MTUS2: variants seen among roughly 807,000 people sequenced by gnomAD.
MTUS2 encodes microtubule-associated tumor suppressor candidate 2.
In MTUS2, 40 loss-of-function variants were observed where a neutral mutation model predicts 114.1. The observed-to-expected ratio is 0.35, with a 90% CI of 0.27 to 0.46. MTUS2 has a LOEUF of 0.46. MTUS2 is among the 20% of genes least tolerant of loss of function. The pLI is 1.00. For missense variants in MTUS2, 1,679 were observed against 1,705.4 expected (o/e 0.98, Z 0.27); for synonymous variants, 688 against 672.0 (o/e 1.02, Z -0.37).
chr13:29,406,399 G>T (rs183685292), intron 8 of MTUS2, among the ~76,000 whole-genome samples: 7 of 152,282 alleles, frequency 4.6e-5, no homozygotes, highest in Admixed American at 3.9e-4. Flanking sequence ...TCTCCTCCAA[G>T]TTCACTTACC....
rs187372711 is a variant in MTUS2, at chr13:28,928,048, C to T, written c.-243+88198C>T. Among the ~76,000 whole-genome samples, 33 of 152,200 alleles carry T rather than the reference C, an allele frequency of 2.2e-4. 1 individual carries two copies. The East Asian group carries it at 2.3e-3, about 11-fold the overall frequency. On this transcript the variant is annotated intron_variant, in intron 2 of 15. Coordinates refer to ENST00000612955, the MANE Select transcript of MTUS2 (RefSeq NM_001033602.4). The stretch of plus-strand genomic sequence containing the variant: ...GTGCTGGGAAAACTAGATATCCATA[C>T]GCAGAAGAATGAATCTAGGATTCCT...
chr13:29,323,018 A>G (rs1231137750), intron 6 of MTUS2, among the ~76,000 whole-genome samples: 1 of 152,178 alleles, frequency 6.6e-6, no homozygotes, highest in Non-Finnish European at 1.5e-5. Context: ...TGTTGGGAAT[A>G]TGAATTAGTG....
chr13:29,077,155 G>C (rs990794013), intron 4 of MTUS2, among the ~76,000 whole-genome samples: 9 of 152,094 alleles, frequency 5.9e-5, no homozygotes, highest in African/African-American at 2.2e-4. Context: ...TTGTTTAATT[G>C]TGTCTTTCTT....
At position 29,503,352 on chromosome 13, in the gene MTUS2, C is replaced by T. The variant is rs879223440; in HGVS notation, c.*146C>T. The T allele has an allele frequency of 2.5e-6, 2 of 810,922 alleles. No individual in the cohort carries two copies. The highest frequency in any genetic ancestry group is 3.9e-6 in the Non-Finnish European group (2 of 514,738). The allele number at this position is 810,922 out of a possible 1,614,324, so 50.2% of individuals were successfully genotyped here. ...CCTAGGCGCGTCCTCCTCTGATCCCCGTGTAAGACTGCCCTGGTGTCGGCA... is the reference window on the plus strand; with the variant it reads ...CCTAGGCGCGTCCTCCTCTGATCCCTGTGTAAGACTGCCCTGGTGTCGGCA... On this transcript the variant is annotated 3_prime_UTR_variant, in exon 16 of 16. Coordinates refer to ENST00000612955, the MANE Select transcript of MTUS2 (RefSeq NM_001033602.4).
At chr13:28,879,169 T>G (rs539151935) in intron 2 of MTUS2, among the ~76,000 whole-genome samples, 2 of 152,252 alleles carry the variant, frequency 1.3e-5, no homozygotes, top group South Asian at 4.1e-4. Flanking sequence ...CTTTTAATTT[T>G]TTTTTCTTTT....
intron 5 of MTUS2, among the ~76,000 whole-genome samples, chr13:29,107,273 G>C (rs7988309): frequency 0.015 from 2,345 of 152,118 alleles, 57 homozygotes; most frequent in African/African-American, 0.053. Context: ...AAGCTCTTAG[G>C]GGGTGGGGGC....
Position 28,831,072 on chromosome 13 carries a change from A to G in MTUS2, c.-315-8706A>G, listed in dbSNP as rs534757834. ...ACACAAGTCAGTAACACACATCCAC[A>G]GGAAGAAATAAAGAGTAGCAGTAAA... On this transcript the variant is annotated intron_variant, in intron 1 of 15. Transcript: ENST00000612955. Among the ~76,000 whole-genome samples the G allele has an allele frequency of 1.5e-3, 223 of 152,330 alleles. 1 individual carries two copies. The highest frequency in any genetic ancestry group is 5.2e-3 in the African/African-American group (215 of 41,580).
At chr13:29,423,500 G>A (rs1206571088) in intron 8 of MTUS2, among the ~76,000 whole-genome samples, 3 of 152,282 alleles carry the variant, frequency 2.0e-5, no homozygotes, top group African/African-American at 7.2e-5. Flanking sequence ...AGGACAGAGG[G>A]ACCAAAAAGA....
At chr13:29,080,099 A>C (rs536224848) in intron 4 of MTUS2, among the ~76,000 whole-genome samples, 3 of 152,292 alleles carry the variant, frequency 2.0e-5, no homozygotes, top group South Asian at 4.1e-4. Flanking sequence ...TCAGAGTAAA[A>C]GATTTATACT....
At chr13:29,308,753 T>C (rs1014666474) in intron 6 of MTUS2, among the ~76,000 whole-genome samples, 1 of 152,078 alleles carries the variant, frequency 6.6e-6, no homozygotes, top group African/African-American at 2.4e-5. Context: ...CAGACACTTC[T>C]CAAAAGAAGA....
At chr13:29,329,251 AG>A (rs755479100) in intron 7 of MTUS2, among the ~76,000 whole-genome samples, 3 of 152,006 alleles carry the variant, frequency 2.0e-5, no homozygotes, top group Non-Finnish European at 2.9e-5. Context: ...TACCTGCATT[AG>A]GTATTTCTCC....
chr13:29,206,576 A>AT (rs1409475462), intron 5 of MTUS2, among the ~76,000 whole-genome samples: 2 of 152,018 alleles, frequency 1.3e-5, no homozygotes, highest in Non-Finnish European at 2.9e-5. Flanking sequence ...TCTTGAGTTG[A>AT]TTTTTTTATA....
chr13:29,435,445 TC>T (rs1230817265), intron 8 of MTUS2, among the ~76,000 whole-genome samples: 1 of 152,148 alleles, frequency 6.6e-6, no homozygotes, highest in African/African-American at 2.4e-5. Flanking sequence ...ACCCACAGTG[TC>T]ATCACCCAGA....
chr13:29,150,956 G>A (rs1309535409), intron 5 of MTUS2, among the ~76,000 whole-genome samples: 1 of 152,146 alleles, frequency 6.6e-6, no homozygotes, highest in East Asian at 1.9e-4. Flanking sequence ...GCCTTGTATA[G>A]TTTGAAGTCA....
chr13:29,371,313 G>A (rs1045305750), intron 8 of MTUS2, among the ~76,000 whole-genome samples: 3 of 151,360 alleles, frequency 2.0e-5, no homozygotes, highest in African/African-American at 4.9e-5. Context: ...TGCTTCCTGG[G>A]TTCAAGTGAT....
At chr13:29,215,715 C>T (rs1433525421) in intron 5 of MTUS2, among the ~76,000 whole-genome samples, 1 of 152,156 alleles carries the variant, frequency 6.6e-6, no homozygotes, top group Non-Finnish European at 1.5e-5. Flanking sequence ...GGCTGCAGAA[C>T]AGCAAAGATT....
chr13:28,996,574 G>A (rs1022896973), intron 2 of MTUS2, among the ~76,000 whole-genome samples: 1 of 152,140 alleles, frequency 6.6e-6, no homozygotes, highest in African/African-American at 2.4e-5. Context: ...CTGAATTTCA[G>A]AGCCTGTTAT....
At chr13:29,097,873 G>A (rs1352818205) in intron 4 of MTUS2, among the ~76,000 whole-genome samples, 8 of 152,170 alleles carry the variant, frequency 5.3e-5, no homozygotes, top group African/African-American at 1.9e-4. Context: ...GGGGTTGGGG[G>A]AGACAGACAT....
chr13:29,441,238 C>A (rs970199170), intron 9 of MTUS2, among the ~76,000 whole-genome samples: 9 of 152,060 alleles, frequency 5.9e-5, no homozygotes, highest in African/African-American at 2.2e-4. Context: ...CAGATGTAGG[C>A]TTCTTCCAAC....
Sources: gnomAD v4.1 joint callset for allele counts (sites outside exome capture counted in the v4.1 genomes callset) on GRCh38, gnomAD v4.1.1 for gene constraint, MANE v1.5 for transcripts, NCBI Gene and HGNC (gene_info 2026-07-23, HGNC 2026-07-21) for gene names.